DCAF5: variants seen among roughly 807,000 people sequenced by gnomAD.
The protein encoded by DCAF5 is DDB1- and CUL4-associated factor 5.
Under a neutral mutation model 80.7 loss-of-function variants are expected in DCAF5, and 9 were observed. The ratio of observed to expected loss-of-function variants is 0.11; its 90% CI spans 0.07 to 0.19. The LOEUF (loss-of-function observed/expected upper bound fraction) is 0.19, where lower values mean the gene tolerates loss of function less well. DCAF5 is among the 10% of genes least tolerant of loss of function. DCAF5 has a pLI of 1.00. For synonymous variants in DCAF5, 433 were observed against 461.9 expected, an observed-to-expected ratio of 0.94 and a Z score of 0.80; for missense variants, 842 against 1,205.7, an observed-to-expected ratio of 0.70 and a Z score of 4.47.
chr14:69,085,779 A>T (rs1001304225), intron 6 of DCAF5, among the ~76,000 whole-genome samples: 2 of 152,230 alleles, frequency 1.3e-5, no homozygotes, highest in Non-Finnish European at 2.9e-5. Context: ...CTTCCTCAAA[A>T]AAAGTTTCCT....
intron 1 of DCAF5, among the ~76,000 whole-genome samples, chr14:69,147,860 T>C (rs963825053): frequency 2.6e-5 from 4 of 152,180 alleles, no homozygotes; most frequent in African/African-American, 9.7e-5. Context: ...CAAAACTTCA[T>C]ACTTATGGGT....
At chr14:69,123,232 A>C (rs2040777274) in intron 1 of DCAF5, among the ~76,000 whole-genome samples, 1 of 152,264 alleles carries the variant, frequency 6.6e-6, no homozygotes, top group South Asian at 2.1e-4. Flanking sequence ...GGTATAAAAC[A>C]GTATGTAATC....
intron 7 of DCAF5, among the ~76,000 whole-genome samples, chr14:69,072,578 T>C (rs536310587): frequency 1.1e-4 from 14 of 128,374 alleles, no homozygotes; most frequent in South Asian, 4.6e-4. Context: ...TGCCTGTGAA[T>C]AGCCACTGCA....
chr14:69,084,775 C>T, intron 6 of DCAF5: 1 of 1,119,944 alleles, frequency 8.9e-7, no homozygotes, highest in Non-Finnish European at 1.3e-6. Flanking sequence ...AGCATACGAC[C>T]ACATTCTTCC....
At chr14:69,144,226 T>C (rs2041463251) in intron 1 of DCAF5, among the ~76,000 whole-genome samples, 1 of 151,744 alleles carries the variant, frequency 6.6e-6, no homozygotes, top group African/African-American at 2.4e-5. Flanking sequence ...CTGGCATACG[T>C]TACAAGATAA....
Position 69,052,114 on chromosome 14 carries a change from C to G in DCAF5, c.*1743G>C, listed in dbSNP as rs1161671083. ...TACACACACTCCTTCATCTCCTTCT[C>G]AGTGTTTTCATACCCCAGCCGCATT... is the stretch of plus-strand genomic sequence containing the variant. On this transcript the variant is annotated 3_prime_UTR_variant, in exon 9 of 9. Coordinates refer to ENST00000341516, the MANE Select transcript of DCAF5 (RefSeq NM_003861.3). 1.3e-5 allele frequency: 2 copies of G among 152,304 alleles called. No individual in the cohort carries two copies. Among genetic ancestry groups the G allele is most frequent in the African/African-American group, 4.8e-5 (2 of 41,450 alleles). 9.4% of individuals were successfully genotyped at this position (152,304 alleles called of 1,614,324 possible).
At chr14:69,083,469 C>A in intron 6 of DCAF5, 1 of 323,400 alleles carries the variant, frequency 3.1e-6, no homozygotes, top group Non-Finnish European at 6.0e-6. Context: ...GGCAGTGGAA[C>A]CTAAAGTTGC....
chr14:69,127,604 C>T (rs1352101853), intron 1 of DCAF5, among the ~76,000 whole-genome samples: 1 of 152,070 alleles, frequency 6.6e-6, no homozygotes, highest in Non-Finnish European at 1.5e-5. Context: ...TATACAATAC[C>T]AAAAGTGAAC....
chr14:69,075,327 T>A lies in DCAF5; in HGVS notation c.946+18A>T. The A allele has an allele frequency of 6.2e-7, 1 of 1,601,418 alleles. No individual in the cohort carries two copies. The highest frequency in any genetic ancestry group is 1.3e-5 in the African/African-American group (1 of 74,848). On this transcript the variant is annotated intron_variant, in intron 7 of 8. Coordinates refer to ENST00000341516, the MANE Select transcript of DCAF5 (RefSeq NM_003861.3). ...AGAGCCAGCAATAGCAGTACATTCA[T>A]GTGAAGGATATACTTGCCTGCTTCT...
intron 6 of DCAF5, chr14:69,084,368 G>T (rs2039236197): frequency 1.1e-6 from 1 of 915,224 alleles, no homozygotes; most frequent in Non-Finnish European, 1.8e-6. Flanking sequence ...GCAGTGTCTG[G>T]TTATCGATGA....
At chr14:69,062,567 G>C in intron 7 of DCAF5, 56 bp from the exon 8 acceptor site, 1 of 1,595,226 alleles carries the variant, frequency 6.3e-7, no homozygotes, top group Non-Finnish European at 8.6e-7. Context: ...AAGTAAATAG[G>C]TTCCAGTAAT....
At chr14:69,091,637 G>C in intron 6 of DCAF5, 37 bp downstream of exon 6, 1 of 1,565,228 alleles carries the variant, frequency 6.4e-7, no homozygotes, top group Admixed American at 1.7e-5. Flanking sequence ...AGAAAGAAAA[G>C]CATAAGTGTG....
In DCAF5 at chr14:69,084,737, G is replaced by C. The variant is rs970032318; in HGVS notation, c.879+6937C>G. The C allele has an allele frequency of 4.8e-6, 6 of 1,248,342 alleles. No homozygotes were observed. The Admixed American group carries it at 1.0e-4, about 21-fold the overall frequency. 77.3% of individuals were successfully genotyped at this position (1,248,342 alleles called of 1,614,324 possible). A position where few individuals can be genotyped will look rare whatever the true frequency, so the allele number is the denominator to read the frequency against. On this transcript the variant is annotated intron_variant, in intron 6 of 8. Transcript: ENST00000341516. ...GAACTACATTGATTTGCCCATCTTG[G>C]CCATTCATGGAAAGCAAAAGCAAAA...
At chr14:69,060,855 G>T (rs2038186651) in intron 8 of DCAF5, among the ~76,000 whole-genome samples, 2 of 151,960 alleles carry the variant, frequency 1.3e-5, no homozygotes, top group African/African-American at 4.8e-5. Flanking sequence ...TCTGACAGCT[G>T]CCCCCTGCCA....
chr14:69,133,576 G>C (rs1042731751), intron 1 of DCAF5, among the ~76,000 whole-genome samples: 1 of 152,160 alleles, frequency 6.6e-6, no homozygotes, highest in African/African-American at 2.4e-5. Context: ...CAGGTCTGGA[G>C]AGATAGGAGA....
In DCAF5 at chr14:69,152,186, AG is replaced by A. The variant is rs2041728126; in HGVS notation, c.214+578del. On this transcript the variant is annotated intron_variant, in intron 1 of 8. Coordinates refer to ENST00000341516, the MANE Select transcript of DCAF5 (RefSeq NM_003861.3). This position sits in a 1 kb window ranked among gnomAD's most constrained non-coding sequence, Gnocchi z 4.1. Reference sequence around the variant, plus strand: ...TGGTGCTGGGCCTCTAAGAGCGCCGAGGGGGGCGGCCCACAGCGACCCTACC... The same window carrying A: ...TGGTGCTGGGCCTCTAAGAGCGCCGAGGGGGCGGCCCACAGCGACCCTACC... Among the ~76,000 whole-genome samples, 1 of 152,156 alleles carries A rather than the reference AG, an allele frequency of 6.6e-6. No individual in the cohort carries two copies. Among genetic ancestry groups the A allele is most frequent in the South Asian group, 2.1e-4 (1 of 4,820 alleles).
chr14:69,128,057 G>A (rs1460902380), intron 1 of DCAF5, among the ~76,000 whole-genome samples: 5 of 152,074 alleles, frequency 3.3e-5, no homozygotes, highest in Admixed American at 6.6e-5. Context: ...TGGGTGAAAT[G>A]GAGTATGTCT....
intron 5 of DCAF5, among the ~76,000 whole-genome samples, chr14:69,105,038 G>GT (rs144567584): frequency 2.0e-5 from 3 of 151,442 alleles, no homozygotes; most frequent in Non-Finnish European, 2.9e-5. Flanking sequence ...TTGTGGTTAT[G>GT]TTTTTTTTTT....
At chr14:69,142,256 C>T (rs2041399977) in intron 1 of DCAF5, among the ~76,000 whole-genome samples, 1 of 152,190 alleles carries the variant, frequency 6.6e-6, no homozygotes, top group Non-Finnish European at 1.5e-5. Flanking sequence ...GCCGTAACTG[C>T]CCCTGCACTC....
Sources: allele counts gnomAD v4.1 joint callset (sites outside exome capture counted in the v4.1 genomes callset), GRCh38; gene constraint gnomAD v4.1.1; non-coding constraint Gnocchi (gnomAD v3.1); transcripts MANE v1.5; gene names NCBI Gene and HGNC (gene_info 2026-07-23, HGNC 2026-07-21).